The following MIPOL1 variants were observed in gnomAD, a reference collection of about 807,000 sequenced individuals.
MIPOL1 encodes mirror-image polydactyly gene 1 protein.
A neutral mutation model predicts 60.9 loss-of-function variants in MIPOL1; 57 were observed. That is an observed-to-expected ratio of 0.94 (90% CI 0.76 to 1.17). The LOEUF (loss-of-function observed/expected upper bound fraction) is 1.17. MIPOL1 is among the 50% of genes most tolerant of loss of function. MIPOL1 has a pLI of 0.00. For synonymous variants in MIPOL1, 179 were observed against 168.8 expected, an observed-to-expected ratio of 1.06 and a Z score of -0.47; for missense variants, 551 against 511.6, an observed-to-expected ratio of 1.08 and a Z score of -0.74.
intron 9 of MIPOL1, among the ~76,000 whole-genome samples, chr14:37,312,075 A>G (rs2087389071): frequency 6.6e-6 from 1 of 151,994 alleles, no homozygotes; most frequent in African/African-American, 2.4e-5. Flanking sequence ...GGGAAAGAAT[A>G]CCACAGGGAT....
intron 10 of MIPOL1, among the ~76,000 whole-genome samples, chr14:37,408,583 T>G (rs1366896475): frequency 1.3e-5 from 2 of 152,134 alleles, no homozygotes; most frequent in Non-Finnish European, 2.9e-5. Flanking sequence ...GAGTTGAGAT[T>G]GCACCACTAC....
At chr14:37,241,605 C>T (rs952236010) in intron 1 of MIPOL1, among the ~76,000 whole-genome samples, 3 of 147,760 alleles carry the variant, frequency 2.0e-5, no homozygotes, top group African/African-American at 5.0e-5. Flanking sequence ...GGGAGGTGGG[C>T]GGAAACCGTT....
rs185221086 is a variant in MIPOL1, at chr14:37,252,178, T to C, written c.19+4271T>C. Among the ~76,000 whole-genome samples, 23 of 151,884 alleles carry C rather than the reference T, an allele frequency of 1.5e-4. No homozygotes were observed. The East Asian group carries it at 3.5e-3, about 23-fold the overall frequency. On this transcript the variant is annotated intron_variant, in intron 3 of 12. Coordinates refer to ENST00000684589, the MANE Select transcript of MIPOL1 (RefSeq NM_001388067.1). ...TTTGGGGGGATCATCATATGTAATA[T>C]ATATTTTACACACAAGTAGTTATTT...
intron 9 of MIPOL1, among the ~76,000 whole-genome samples, chr14:37,355,094 C>A (rs1165127370): frequency 2.0e-5 from 3 of 148,760 alleles, no homozygotes. Flanking sequence ...TCTTTTAGGG[C>A]AGGCCTGGTG....
At chr14:37,506,598 A>G (rs1202766885) in intron 12 of MIPOL1, 1 of 152,234 alleles carries the variant, frequency 6.6e-6, no homozygotes, top group Admixed American at 6.5e-5. Context: ...AAATTAATTC[A>G]AGATGAATTA....
chr14:37,299,569 T>C (rs1260423107), intron 7 of MIPOL1, among the ~76,000 whole-genome samples: 1 of 152,150 alleles, frequency 6.6e-6, no homozygotes, highest in African/African-American at 2.4e-5. Context: ...CGGATTTCAC[T>C]GTGCCATCTT....
At chr14:37,367,590 T>C (rs2092514497) in intron 9 of MIPOL1, among the ~76,000 whole-genome samples, 1 of 152,038 alleles carries the variant, frequency 6.6e-6, no homozygotes, top group Non-Finnish European at 1.5e-5. Context: ...CCTGTATTCT[T>C]CTTTCTCCAT....
chr14:37,347,846 A>C (rs2091054767), intron 9 of MIPOL1, among the ~76,000 whole-genome samples: 1 of 152,226 alleles, frequency 6.6e-6, no homozygotes, highest in East Asian at 1.9e-4. Flanking sequence ...GTGTGAGAAC[A>C]AAAGAATCGC....
intron 10 of MIPOL1, among the ~76,000 whole-genome samples, chr14:37,393,636 C>G (rs1393647976): frequency 6.6e-6 from 1 of 151,154 alleles, no homozygotes; most frequent in Admixed American, 6.6e-5. Context: ...TTTTTTTGTC[C>G]TATCCTTTGA....
At chr14:37,480,289 G>A (rs2094842766) in intron 11 of MIPOL1, among the ~76,000 whole-genome samples, 1 of 152,042 alleles carries the variant, frequency 6.6e-6, no homozygotes, top group African/African-American at 2.4e-5. Context: ...TGATAACATA[G>A]ATGTAAAAAT....
intron 11 of MIPOL1, among the ~76,000 whole-genome samples, chr14:37,435,271 G>C (rs1424413248): frequency 1.3e-5 from 2 of 152,034 alleles, no homozygotes; most frequent in East Asian, 3.9e-4. Flanking sequence ...TTCTAGGTGT[G>C]CTCCCATCCC....
At chr14:37,239,676 A>T (rs1972051312) in intron 1 of MIPOL1, among the ~76,000 whole-genome samples, 1 of 152,144 alleles carries the variant, frequency 6.6e-6, no homozygotes, top group Non-Finnish European at 1.5e-5. Flanking sequence ...TTTTTATCCC[A>T]TGTTATGGAA....
chr14:37,507,228 C>T (rs2153619877), intron 12 of MIPOL1: 1 of 152,178 alleles, frequency 6.6e-6, no homozygotes, highest in South Asian at 2.1e-4. Flanking sequence ...CTAGAAATAC[C>T]ATTTGACCCA....
chr14:37,469,649 T>C (rs1300876326), intron 11 of MIPOL1, among the ~76,000 whole-genome samples: 2 of 152,186 alleles, frequency 1.3e-5, no homozygotes, highest in Non-Finnish European at 1.5e-5. Context: ...TTATTGCCAC[T>C]ATAACAATAT....
intron 9 of MIPOL1, among the ~76,000 whole-genome samples, chr14:37,347,889 C>CT (rs1272634394): frequency 1.3e-5 from 2 of 152,040 alleles, no homozygotes; most frequent in Non-Finnish European, 1.5e-5. Flanking sequence ...AGTAAAATAA[C>CT]TTTTTTTTCT....
intron 1 of MIPOL1, among the ~76,000 whole-genome samples, chr14:37,228,158 A>G (rs1199535041): frequency 1.3e-5 from 2 of 152,084 alleles, no homozygotes; most frequent in Non-Finnish European, 2.9e-5. Context: ...AGGCAACATC[A>G]GGGACTTAAG....
At chr14:37,399,359 T>G (rs2093438120) in intron 10 of MIPOL1, among the ~76,000 whole-genome samples, 1 of 152,150 alleles carries the variant, frequency 6.6e-6, no homozygotes. Context: ...CATCTCCTTC[T>G]CCAGTATGTC....
Position 37,547,718 on chromosome 14 carries a change from T to C in MIPOL1, c.*747T>C, listed in dbSNP as rs2095551784. The stretch of plus-strand genomic sequence containing the variant: ...GTCTGAATAATTATCTGAATTCTAC[T>C]TAAGCTATAAGTCTCTGTCATTTTT... On this transcript the variant is annotated 3_prime_UTR_variant, in exon 13 of 13. Coordinates refer to ENST00000684589, the MANE Select transcript of MIPOL1 (RefSeq NM_001388067.1). 6.6e-6 allele frequency: 1 copy of C among 152,522 alleles called. No homozygotes were observed. Among genetic ancestry groups the C allele is most frequent in the South Asian group, 2.1e-4 (1 of 4,830 alleles). The allele number at this position is 152,522 out of a possible 1,614,324, so 9.4% of individuals were successfully genotyped here. A position where few individuals can be genotyped will look rare whatever the true frequency, so the allele number is the denominator to read the frequency against.
chr14:37,478,744 A>G (rs773815917), intron 11 of MIPOL1, among the ~76,000 whole-genome samples: 1 of 152,198 alleles, frequency 6.6e-6, no homozygotes, highest in Non-Finnish European at 1.5e-5. Context: ...AATGGATACC[A>G]AAAGATAGCG....
Sources: allele counts gnomAD v4.1 joint callset (sites outside exome capture counted in the v4.1 genomes callset), GRCh38; gene constraint gnomAD v4.1.1; transcripts MANE v1.5; gene names NCBI Gene and HGNC (gene_info 2026-07-23, HGNC 2026-07-21).